ZNF827: variants seen among roughly 807,000 people sequenced by gnomAD.
ZNF827 encodes the protein zinc finger protein 827.
ZNF827 carries 13 observed loss-of-function variants against 102.4 expected under a neutral mutation model. The ratio of observed to expected loss-of-function variants is 0.13; its 90% CI spans 0.08 to 0.20. The LOEUF is 0.20. Ranked by LOEUF, ZNF827 falls within the 10% of genes least tolerant of loss-of-function variation. The pLI, the probability that ZNF827 is intolerant of heterozygous loss-of-function variation, is 1.00. For synonymous variants in ZNF827, 523 were observed against 536.2 expected, an observed-to-expected ratio of 0.98 and a Z score of 0.34; for missense variants, 1,103 against 1,344.4, an observed-to-expected ratio of 0.82 and a Z score of 2.81.
chr4:145,854,523 C>T (rs1579382725), intron 5 of ZNF827, among the ~76,000 whole-genome samples: 2 of 152,088 alleles, frequency 1.3e-5, no homozygotes, highest in South Asian at 2.1e-4. Flanking sequence ...GAGCTTCCTG[C>T]GCTCTGCCTT....
intron 8 of ZNF827, among the ~76,000 whole-genome samples, chr4:145,813,059 G>A (rs1177954529): frequency 9.2e-5 from 14 of 152,118 alleles, no homozygotes; most frequent in Admixed American, 9.2e-4. Context: ...TCACCCCTTT[G>A]TCCGGCATTC....
intron 1 of ZNF827, among the ~76,000 whole-genome samples, chr4:145,908,376 ACT>A (rs919700163): frequency 1.3e-5 from 2 of 152,092 alleles, no homozygotes; most frequent in East Asian, 1.9e-4. Flanking sequence ...CTCACGGTCA[ACT>A]CTCTAACAAT....
intron 4 of ZNF827, among the ~76,000 whole-genome samples, chr4:145,874,408 C>T (rs1748979324): frequency 6.6e-6 from 1 of 152,192 alleles, no homozygotes; most frequent in Non-Finnish European, 1.5e-5. Context: ...ATTTCCCAAA[C>T]ATTTGGGTCT....
rs1375119094 is a variant in ZNF827 at position 145,770,318 on chromosome 4, AT to A, written c.2860+4187del. ...TGTCTTAAAATAAATAAATAAATAA[AT>A]AAATAAATAAATAAATAAATAAATA... On this transcript the variant is annotated intron_variant, in intron 11 of 14. Coordinates refer to ENST00000508784, the MANE Select transcript of ZNF827 (RefSeq NM_001306215.2). 4.7e-3 allele frequency among the ~76,000 whole-genome samples: 692 copies of A among 145,748 alleles called. 6 individuals carry two copies. The highest frequency in any genetic ancestry group is 6.9e-3 in the Non-Finnish European group (461 of 67,154).
At chr4:145,786,106 A>G (rs1738819744) in intron 8 of ZNF827, among the ~76,000 whole-genome samples, 1 of 152,214 alleles carries the variant, frequency 6.6e-6, no homozygotes, top group South Asian at 2.1e-4. Context: ...TTTGGGGAGC[A>G]TTTTTGGTAA....
chr4:145,780,776 T>C (rs1737853446), intron 8 of ZNF827, among the ~76,000 whole-genome samples: 1 of 152,208 alleles, frequency 6.6e-6, no homozygotes, highest in Non-Finnish European at 1.5e-5. Flanking sequence ...ACACACTAAG[T>C]TAATATCTTG....
At chr4:145,853,967 T>C (rs78127324) in intron 5 of ZNF827, among the ~76,000 whole-genome samples, 1 of 149,792 alleles carries the variant, frequency 6.7e-6, no homozygotes, top group Non-Finnish European at 1.5e-5. Context: ...AAAAAAAAAG[T>C]CTCAATTAAA....
At chr4:145,843,212 C>T (rs560082438) in intron 7 of ZNF827, among the ~76,000 whole-genome samples, 2 of 133,848 alleles carry the variant, frequency 1.5e-5, no homozygotes, top group South Asian at 5.0e-4. Flanking sequence ...AGTAAGCTGC[C>T]TCTACTCAAA....
chr4:145,830,451 A>G (rs1201720260), intron 7 of ZNF827: 1 of 152,212 alleles, frequency 6.6e-6, no homozygotes, highest in Non-Finnish European at 1.5e-5. Context: ...AAATAAGGTC[A>G]CAACTGAAAA....
At chr4:145,851,745 A>G (rs545948090) in intron 5 of ZNF827, among the ~76,000 whole-genome samples, 1 of 152,300 alleles carries the variant, frequency 6.6e-6, no homozygotes, top group African/African-American at 2.4e-5. Flanking sequence ...CATGTCTGCA[A>G]AGCAGCTCAT....
intron 8 of ZNF827, among the ~76,000 whole-genome samples, chr4:145,801,364 C>T (rs1185633885): frequency 2.0e-5 from 3 of 152,196 alleles, no homozygotes; most frequent in African/African-American, 7.2e-5. Flanking sequence ...CATTTTCAAA[C>T]ATGTAAGCTT....
intron 8 of ZNF827, among the ~76,000 whole-genome samples, chr4:145,792,746 T>C (rs781048103): frequency 6.6e-6 from 1 of 152,184 alleles, no homozygotes; most frequent in Non-Finnish European, 1.5e-5. Flanking sequence ...CCAAAGTAGT[T>C]GAGCAAAAGA....
intron 7 of ZNF827, among the ~76,000 whole-genome samples, chr4:145,825,767 T>C (rs991415297): frequency 3.9e-5 from 6 of 152,126 alleles, no homozygotes; most frequent in Non-Finnish European, 8.8e-5. Flanking sequence ...GGAGCCCTAT[T>C]ATCACTGAGC....
At chr4:145,886,898 C>T (rs764149652) in intron 3 of ZNF827, among the ~76,000 whole-genome samples, 1 of 152,216 alleles carries the variant, frequency 6.6e-6, no homozygotes, top group Non-Finnish European at 1.5e-5. Flanking sequence ...CTTGCATGCA[C>T]ATGATACCTG....
chr4:145,911,639 A>G (rs1752304990), intron 1 of ZNF827, among the ~76,000 whole-genome samples: 1 of 152,252 alleles, frequency 6.6e-6, no homozygotes, highest in Non-Finnish European at 1.5e-5. Flanking sequence ...TACAGATGGA[A>G]AAGCCTTGGA....
At chr4:145,803,444 G>A (rs1741113306) in intron 8 of ZNF827, among the ~76,000 whole-genome samples, 1 of 151,880 alleles carries the variant, frequency 6.6e-6, no homozygotes, top group African/African-American at 2.4e-5. Flanking sequence ...TTCTTTGCTA[G>A]CAAACAGTGT....
At chr4:145,825,919 C>G (rs1257922846) in intron 7 of ZNF827, among the ~76,000 whole-genome samples, 1 of 152,194 alleles carries the variant, frequency 6.6e-6, no homozygotes, top group Non-Finnish European at 1.5e-5. Context: ...AGAAGGGAGT[C>G]CTGCTGGATA....
intron 8 of ZNF827, among the ~76,000 whole-genome samples, chr4:145,801,793 G>T (rs1300426619): frequency 1.3e-5 from 2 of 152,140 alleles, no homozygotes; most frequent in African/African-American, 4.8e-5. Context: ...CTGACTTCTG[G>T]AGTGGGTGGA....
In ZNF827 at chr4:145,902,528, A is replaced by C; in HGVS notation, c.731T>G (p.Phe244Cys). The C allele has an allele frequency of 1.2e-6, 2 of 1,614,114 alleles. No individual in the cohort carries two copies. The highest frequency in any genetic ancestry group is 1.7e-6 in the Non-Finnish European group (2 of 1,180,012). The change falls in exon 2 of 15, where the codon TTT becomes TGT. Residue 244 changes from phenylalanine (F) to cysteine (C), a missense_variant. Physicochemically the swap from Phe to Cys is radical, Grantham distance 205 (BLOSUM62 -2). Around this residue, in one of 5 missense-constraint regions of ZNF827, gnomAD observed 441 missense variants for 458.6 expected, o/e 0.96. Coordinates refer to ENST00000508784, the MANE Select transcript of ZNF827 (RefSeq NM_001306215.2). This position sits in a 1 kb window ranked among gnomAD's most constrained non-coding sequence, Gnocchi z 4.3. ...TMRFESFSSP[F>C]SSQSASSTLA... is the part of the protein sequence containing the mutation. ...GGTAGAACTGGCAGACTGGGAGCTA[A>C]AAGGGGAGGAAAAGGACTCAAATCG...
Sources: gnomAD v4.1 joint callset for allele counts (sites outside exome capture counted in the v4.1 genomes callset) on GRCh38, gnomAD v4.1.1 for gene constraint, gnomAD v4.1.1 regional missense constraint, Gnocchi (gnomAD v3.1) non-coding constraint, MANE v1.5 for transcripts, NCBI Gene and HGNC (gene_info 2026-07-23, HGNC 2026-07-21) for gene names.